Variants in PRSS54 observed in about 807,000 individuals in gnomAD.
PRSS54 encodes inactive serine protease 54.
A neutral mutation model predicts 19.9 loss-of-function variants in PRSS54; 16 were observed. The observed-to-expected ratio is 0.80, with a 90% confidence interval of 0.54 to 1.22. The LOEUF (loss-of-function observed/expected upper bound fraction) is 1.22, where lower values mean the gene tolerates loss of function less well. PRSS54 is among the 50% of genes most tolerant of loss of function. PRSS54 has a pLI of 0.00. For missense variants in PRSS54, 444 were observed against 494.8 expected, an observed-to-expected ratio of 0.90 and a Z score of 0.97; for synonymous variants, 177 against 195.8, an observed-to-expected ratio of 0.90 and a Z score of 0.80.
chr16:58,291,270 T>G, intron 3 of PRSS54, 134 bp from the exon 4 acceptor site: 1 of 793,450 alleles, frequency 1.3e-6, no homozygotes, highest in Non-Finnish European at 1.9e-6. Flanking sequence ...TGTGTCTTCT[T>G]CACCCTAAAA....
rs1369103860 is a variant in PRSS54, at chr16:58,294,023, G to A, written c.-45C>T. On this transcript the variant is annotated 5_prime_UTR_variant, in exon 2 of 7. Coordinates refer to ENST00000567164, the MANE Select transcript of PRSS54 (RefSeq NM_001305173.2). ...AGTGCTTGGTTCTGTGTGGTAAAGAGGCAGGACCAGTTGGCCCGCACTGTG... is the reference window on the plus strand; with the variant it reads ...AGTGCTTGGTTCTGTGTGGTAAAGAAGCAGGACCAGTTGGCCCGCACTGTG... The A allele has an allele frequency of 1.7e-6, 1 of 583,160 alleles. No homozygotes were observed. Among genetic ancestry groups the A allele is most frequent in the Admixed American group, 2.9e-5 (1 of 34,548 alleles). The allele number at this position is 583,160 out of a possible 1,614,324, so 36.1% of individuals were successfully genotyped here.
At chr16:58,290,735 T>G (rs1439637408) in intron 4 of PRSS54, among the ~76,000 whole-genome samples, 1 of 152,232 alleles carries the variant, frequency 6.6e-6, no homozygotes, top group African/African-American at 2.4e-5. Context: ...AATGGAGGAC[T>G]CATCATTGCA....
chr16:58,280,275 T>C lies in PRSS54; in HGVS notation c.1137A>G (p.Glu379=). 1 of 1,614,018 alleles carries C rather than the reference T, an allele frequency of 6.2e-7. No homozygotes were observed. Residue 379 remains glutamate (E), a synonymous_variant, in exon 7 of 7, where the codon GAA becomes GAG. Transcript: ENST00000567164. The part of the protein sequence containing the change: ...FAGQNRLYQP[E]EIILVSFVLV... ...GCACGAAGGAAACCAAGATGATTTC[T>C]TCGGGCTGATACAACCTGTTCTGAC...
In PRSS54 at chr16:58,284,635, T is replaced by G. The variant is rs1202048091; in HGVS notation, c.609A>C (p.Thr203=). 6.2e-7 allele frequency: 1 copy of G among 1,614,116 alleles called. No individual in the cohort carries two copies. The highest frequency in any genetic ancestry group is 2.2e-5 in the East Asian group (1 of 44,880). The change falls in exon 6 of 7, where the codon ACA becomes ACC. Residue 203 remains threonine (T), a synonymous_variant. Coordinates refer to ENST00000567164, the MANE Select transcript of PRSS54 (RefSeq NM_001305173.2). ...CCTCTTTCGTGTGGCTGCCGCATTC[T>G]GTCTTCTGGAGTTTGTATAGGGGAC... ...DMCPLYKLQK[T]ECGSHTKEET...
intron 2 of PRSS54, 44 bp from the exon 3 acceptor site, chr16:58,293,866 A>G (rs1409597019): frequency 6.6e-7 from 1 of 1,515,632 alleles, no homozygotes; most frequent in Admixed American, 1.8e-5. Flanking sequence ...TCCCAAACAC[A>G]TGCAGGGTTT....
At chr16:58,284,856 G>A (rs967814778) in intron 5 of PRSS54, 135 bp from the exon 6 acceptor site, 9 of 903,348 alleles carry the variant, frequency 1.0e-5, no homozygotes, top group Middle Eastern at 3.5e-4. Flanking sequence ...GTTCTGTCAC[G>A]CAGGCTGGAG....
chr16:58,283,163 T>A (rs753433618), intron 6 of PRSS54: 1 of 152,246 alleles, frequency 6.6e-6, no homozygotes, highest in Non-Finnish European at 1.5e-5. Flanking sequence ...GCAGAGTGAT[T>A]CTGCTTTTGT....
chr16:58,291,103 C>T lies in PRSS54; in HGVS notation c.119G>A (p.Gly40Asp). The T allele has an allele frequency of 6.2e-7, 1 of 1,614,178 alleles. No homozygotes were observed. Among genetic ancestry groups the T allele is most frequent in the Non-Finnish European group, 8.5e-7 (1 of 1,180,038 alleles). Residue 40 changes from glycine (G) to aspartate (D), a missense_variant, in exon 4 of 7, where the codon GGT becomes GAT. Transcript: ENST00000567164. ...GACCAAGCCCTCCTTGGGGTCAGGA[C>T]CGTAGAAAACGGAAGCTTTCTGGAC... Reference protein sequence around the residue: ...CGVQKASVFYGPDPKEGLVSS... With the variant: ...CGVQKASVFYDPDPKEGLVSS...
At chr16:58,280,987 A>G (rs191121262) in intron 6 of PRSS54, 3 of 514,286 alleles carry the variant, frequency 5.8e-6, no homozygotes, top group Non-Finnish European at 1.0e-5. Context: ...CTGATTGCCT[A>G]TAGCTTCCTG....
In PRSS54 at chr16:58,293,754, G is replaced by A. The variant is rs751688176; in HGVS notation, c.63C>T (p.Leu21=). ...GKMRGVLLVL[L]GLLYSSTSCG... ...CACTGGTGGAAGAATAGAGAAGGCC[G>A]AGCAGCACCAGGAGCACCCCTCGCA... Residue 21 remains leucine, a synonymous_variant, in exon 3 of 7, where the codon CTC becomes CTT. Coordinates refer to ENST00000567164, the MANE Select transcript of PRSS54 (RefSeq NM_001305173.2). The A allele has an allele frequency of 2.6e-5, 42 of 1,613,198 alleles. No homozygotes were observed. The highest frequency in any genetic ancestry group is 1.8e-4 in the East Asian group (8 of 44,876).
intron 6 of PRSS54, chr16:58,282,544 A>T (rs1349953915): frequency 6.6e-6 from 1 of 152,456 alleles, no homozygotes; most frequent in East Asian, 1.9e-4. Flanking sequence ...GCCAGCGGGG[A>T]GGCCATGCTG....
intron 3 of PRSS54, among the ~76,000 whole-genome samples, chr16:58,292,915 C>A (rs1399742285): frequency 6.6e-6 from 1 of 152,144 alleles, no homozygotes. Context: ...TTAGCTGTGG[C>A]TTTTTAAGGA....
chr16:58,290,857 C>G, intron 4 of PRSS54, 102 bp downstream of exon 4: 1 of 1,320,372 alleles, frequency 7.6e-7, no homozygotes, highest in Non-Finnish European at 1.0e-6. Flanking sequence ...CCTGTCCCCC[C>G]AGAATGCACC....
chr16:58,283,495 C>T (rs1964835011), intron 6 of PRSS54: 1 of 152,230 alleles, frequency 6.6e-6, no homozygotes, highest in South Asian at 2.1e-4. Flanking sequence ...TAGGGTGTGT[C>T]TTTTAATCAG....
intron 4 of PRSS54, among the ~76,000 whole-genome samples, chr16:58,287,063 C>T (rs1056766248): frequency 1.3e-4 from 19 of 151,878 alleles, no homozygotes; most frequent in East Asian, 7.7e-4. Flanking sequence ...AAGATAAGGC[C>T]GTCACAGGAG....
chr16:58,293,612 C>T (rs925751600), intron 3 of PRSS54, 120 bp downstream of exon 3: 4 of 1,515,496 alleles, frequency 2.6e-6, no homozygotes, highest in Admixed American at 4.1e-5. Context: ...GTGCAAAGTG[C>T]CGTGAGTCAT....
chr16:58,288,162 A>C (rs1964958769), intron 4 of PRSS54, among the ~76,000 whole-genome samples: 1 of 152,232 alleles, frequency 6.6e-6, no homozygotes, highest in African/African-American at 2.4e-5. Flanking sequence ...ATGATGGCTC[A>C]TGTCTATAAT....
At chr16:58,284,974 C>T (rs1367169861) in intron 5 of PRSS54, among the ~76,000 whole-genome samples, 1 of 152,006 alleles carries the variant, frequency 6.6e-6, no homozygotes, top group Non-Finnish European at 1.5e-5. Flanking sequence ...ACCACAACGC[C>T]CAGCTAATTT....
At position 58,294,038 on chromosome 16, in the gene PRSS54, C is replaced by A; in HGVS notation, c.-60G>T. The A allele has an allele frequency of 8.9e-6, 5 of 564,044 alleles. No homozygotes were observed. The highest frequency in any genetic ancestry group is 8.2e-5 in the South Asian group (4 of 48,920). The allele number at this position is 564,044 out of a possible 1,614,324, so 34.9% of individuals were successfully genotyped here. ...GTGGTAAAGAGGCAGGACCAGTTGG[C>A]CCGCACTGTGGTTTGTGAGATGGCC... On this transcript the variant is annotated 5_prime_UTR_variant, in exon 2 of 7. Transcript: ENST00000567164.
Sources: allele counts gnomAD v4.1 joint callset (sites outside exome capture counted in the v4.1 genomes callset), GRCh38; gene constraint gnomAD v4.1.1; transcripts MANE v1.5; gene names NCBI Gene and HGNC (gene_info 2026-07-23, HGNC 2026-07-21).